Variants in WWOX observed in about 807,000 individuals in gnomAD.
The protein encoded by WWOX is WW domain-containing oxidoreductase.
WWOX carries 69 observed loss-of-function variants against 46.2 expected under a neutral mutation model. The observed-to-expected ratio is 1.49, with a 90% confidence interval of 1.23 to 1.82. The LOEUF is 1.82. WWOX is among the 40% of genes most tolerant of loss of function. The pLI is 0.00. For synonymous variants in WWOX, 359 were observed against 202.6 expected (o/e 1.77, Z -6.56); for missense variants, 919 against 542.6 (o/e 1.69, Z -6.89).
chr16:78,233,416 G>A (rs142139489), intron 5 of WWOX, among the ~76,000 whole-genome samples: 13 of 151,948 alleles, frequency 8.6e-5, no homozygotes, highest in East Asian at 3.9e-4. Flanking sequence ...CATTTTTAAC[G>A]TGCTGTGGTG....
chr16:78,530,018 G>C (rs2075283994), intron 8 of WWOX, among the ~76,000 whole-genome samples: 1 of 152,100 alleles, frequency 6.6e-6, no homozygotes, highest in South Asian at 2.1e-4. Flanking sequence ...GGCTGCTTTG[G>C]TGCCAGTAGA....
Position 78,709,348 on chromosome 16 carries a change from T to G in WWOX, c.1056+276596T>G, listed in dbSNP as rs145068707. On this transcript the variant is annotated intron_variant, in intron 8 of 8. Coordinates refer to ENST00000566780, the MANE Select transcript of WWOX (RefSeq NM_016373.4). ...ATCACAGAGAGAAGCTTGTTGGAGT[T>G]GTCTGGCTGAAGGAAAGCCCGCGAT... Among the ~76,000 whole-genome samples, 491 of 152,330 alleles carry G rather than the reference T, an allele frequency of 3.2e-3. 2 individuals are homozygous for G. Among genetic ancestry groups the G allele is most frequent in the African/African-American group, 0.011 (456 of 41,576 alleles).
intron 5 of WWOX, among the ~76,000 whole-genome samples, chr16:78,358,201 A>G (rs1331715304): frequency 1.3e-5 from 2 of 152,190 alleles, no homozygotes; most frequent in African/African-American, 2.4e-5. Flanking sequence ...ATCGAAAGAT[A>G]ACCTCTTGTA....
chr16:78,332,763 G>A (rs904186014), intron 5 of WWOX, among the ~76,000 whole-genome samples: 20 of 152,076 alleles, frequency 1.3e-4, no homozygotes, highest in Non-Finnish European at 2.1e-4. Context: ...GCTCTGTTAA[G>A]TGTGCATTCA....
chr16:78,454,883 A>T (rs74028004), intron 8 of WWOX, among the ~76,000 whole-genome samples: 1 of 152,028 alleles, frequency 6.6e-6, no homozygotes, highest in Non-Finnish European at 1.5e-5. Flanking sequence ...TATTGGTTTC[A>T]CCACCCCGCT....
chr16:78,921,547 A>G (rs763606503), intron 8 of WWOX, among the ~76,000 whole-genome samples: 44 of 152,326 alleles, frequency 2.9e-4, no homozygotes, highest in Non-Finnish European at 3.7e-4. Context: ...CATAATAAAG[A>G]TGTCATTGGG....
At chr16:79,095,589 C>T (rs1161035408) in intron 8 of WWOX, among the ~76,000 whole-genome samples, 2 of 152,146 alleles carry the variant, frequency 1.3e-5, no homozygotes, top group African/African-American at 4.8e-5. Context: ...AATGGAGCCA[C>T]ATTTAGTTAT....
chr16:78,871,384 T>C (rs2044125657), intron 8 of WWOX, among the ~76,000 whole-genome samples: 1 of 152,162 alleles, frequency 6.6e-6, no homozygotes, highest in African/African-American at 2.4e-5. Flanking sequence ...CTTGTAATGA[T>C]GTTTGCAAAG....
chr16:79,167,131 G>T (rs796122403), intron 8 of WWOX, among the ~76,000 whole-genome samples: 48 of 152,106 alleles, frequency 3.2e-4, no homozygotes, highest in African/African-American at 1.2e-3. Flanking sequence ...TATTAGAGAC[G>T]GGGTTTTGCC....
intron 8 of WWOX, among the ~76,000 whole-genome samples, chr16:78,548,919 A>G (rs949889540): frequency 3.3e-5 from 5 of 152,330 alleles, no homozygotes; most frequent in South Asian, 2.1e-4. Flanking sequence ...GAAGGTTTCT[A>G]TCTTAACTGC....
chr16:78,357,843 C>G (rs913636163), intron 5 of WWOX, among the ~76,000 whole-genome samples: 4 of 152,170 alleles, frequency 2.6e-5, no homozygotes, highest in Non-Finnish European at 5.9e-5. Context: ...ACCCAGCATC[C>G]AAATAGCTAA....
intron 8 of WWOX, among the ~76,000 whole-genome samples, chr16:78,641,384 G>GTAGTGTCAGGGT (rs1249244503): frequency 6.6e-6 from 1 of 152,174 alleles, no homozygotes; most frequent in African/African-American, 2.4e-5. Flanking sequence ...TGCTGCACTT[G>GTAGTGTCAGGGT]TAGTGTCAGG....
chr16:78,965,704 G>C (rs963013406), intron 8 of WWOX, among the ~76,000 whole-genome samples: 1 of 151,834 alleles, frequency 6.6e-6, no homozygotes, highest in Non-Finnish European at 1.5e-5. Context: ...TTTTTGTGTT[G>C]GCTTTGCCCT....
At chr16:78,318,024 C>T (rs1271677122) in intron 5 of WWOX, among the ~76,000 whole-genome samples, 2 of 152,156 alleles carry the variant, frequency 1.3e-5, no homozygotes, top group Non-Finnish European at 2.9e-5. Context: ...GGACCGCTGC[C>T]TGCTTCTACC....
intron 5 of WWOX, among the ~76,000 whole-genome samples, chr16:78,211,567 G>A (rs1201515689): frequency 1.3e-5 from 2 of 152,148 alleles, no homozygotes; most frequent in Non-Finnish European, 2.9e-5. Context: ...TGCTGCTGCT[G>A]CTGCTGCTGC....
intron 4 of WWOX, among the ~76,000 whole-genome samples, chr16:78,156,643 A>G (rs2034610407): frequency 6.6e-6 from 1 of 152,118 alleles, no homozygotes; most frequent in Admixed American, 6.5e-5. Flanking sequence ...AAAGCTCTGT[A>G]CTGGGTGTGG....
At chr16:78,159,672 G>T (rs369084158) in intron 4 of WWOX, among the ~76,000 whole-genome samples, 7,008 of 56,218 alleles carry the variant, frequency 0.12, 453 homozygotes, top group Middle Eastern at 0.15. Context: ...AAAATCTGTG[G>T]TTTTTTTTTT....
At chr16:79,088,719 A>G (rs891764334) in intron 8 of WWOX, among the ~76,000 whole-genome samples, 11 of 152,176 alleles carry the variant, frequency 7.2e-5, no homozygotes, top group Non-Finnish European at 1.3e-4. Flanking sequence ...TGAGAACCGC[A>G]TAATACTTAT....
intron 5 of WWOX, among the ~76,000 whole-genome samples, chr16:78,261,788 C>CTATCTA (rs1555510660): frequency 9.9e-4 from 73 of 73,734 alleles, no homozygotes; most frequent in South Asian, 1.9e-3. Flanking sequence ...ATCTATCTAT[C>CTATCTA]TATATATATA....
Sources: allele counts gnomAD v4.1 joint callset (sites outside exome capture counted in the v4.1 genomes callset), GRCh38; gene constraint gnomAD v4.1.1; transcripts MANE v1.5; gene names NCBI Gene and HGNC (gene_info 2026-07-23, HGNC 2026-07-21).